HTR2C: variants seen among roughly 807,000 people sequenced by gnomAD.
HTR2C encodes the protein 5-hydroxytryptamine (serotonin) receptor 2C, G protein-coupled.
Under a neutral mutation model 21.0 loss-of-function variants are expected in HTR2C, and 5 were observed. That is an observed-to-expected ratio of 0.24 (90% CI 0.12 to 0.50). The LOEUF (loss-of-function observed/expected upper bound fraction) is 0.50, where lower values mean the gene tolerates loss of function less well. Ranked by LOEUF, HTR2C falls within the 20% of genes least tolerant of loss-of-function variation. The pLI is 0.98. For missense variants in HTR2C, 271 were observed against 371.2 expected (o/e 0.73, Z 2.22); for synonymous variants, 150 against 145.3 (o/e 1.03, Z -0.23).
At chrX:114,805,086 G>T (rs150128265) in intron 4 of HTR2C, among the ~76,000 whole-genome samples, 1 of 111,969 alleles carries the variant, frequency 8.9e-6, no homozygotes, top group East Asian at 2.8e-4. Flanking sequence ...GAAAGAAGCA[G>T]AACAGAAACT....
At chrX:114,629,508 C>T (rs782577645) in intron 2 of HTR2C, among the ~76,000 whole-genome samples, 1 of 111,845 alleles carries the variant, frequency 8.9e-6, no homozygotes, top group South Asian at 3.7e-4. Flanking sequence ...AGTAATGGGA[C>T]ATTTTATACC....
At chrX:114,892,830 A>G (rs1193945853) in intron 5 of HTR2C, among the ~76,000 whole-genome samples, 6 of 110,464 alleles carry the variant, frequency 5.4e-5, no homozygotes, top group Admixed American at 4.8e-4. Context: ...AAATTAATCT[A>G]TAGATTCATA....
chrX:114,805,249 A>G (rs781920387), intron 4 of HTR2C, among the ~76,000 whole-genome samples: 1 of 109,627 alleles, frequency 9.1e-6, no homozygotes, highest in South Asian at 3.9e-4. Flanking sequence ...CCTGATTCTC[A>G]AACTTTGACA....
At chrX:114,830,703 TTTA>T (rs1361825425) in intron 4 of HTR2C, among the ~76,000 whole-genome samples, 1 of 109,719 alleles carries the variant, frequency 9.1e-6, no homozygotes, top group African/African-American at 3.3e-5. Context: ...TTTTGTTTTT[TTTA>T]TTATTATACT....
At chrX:114,646,100 G>C (rs1483040987) in intron 2 of HTR2C, among the ~76,000 whole-genome samples, 2 of 111,793 alleles carry the variant, frequency 1.8e-5, no homozygotes, top group Non-Finnish European at 3.8e-5. Flanking sequence ...ATATTGAGTA[G>C]ATTAATTAAA....
At chrX:114,624,860 T>G (rs1237730571) in intron 2 of HTR2C, among the ~76,000 whole-genome samples, 1 of 111,428 alleles carries the variant, frequency 9.0e-6, no homozygotes, top group Non-Finnish European at 1.9e-5. Flanking sequence ...AAGAAAGCCC[T>G]GATGTCAAAT....
intron 2 of HTR2C, 39 bp from the exon 3 acceptor site, chrX:114,726,819 G>T: frequency 2.1e-6 from 1 of 480,762 alleles, no homozygotes. Context: ...TTATTTCGAT[G>T]TTTAACTAAT....
intron 4 of HTR2C, among the ~76,000 whole-genome samples, chrX:114,765,953 T>C (rs1297381577): frequency 1.4e-4 from 16 of 111,676 alleles, no homozygotes; most frequent in African/African-American, 5.2e-4. Context: ...GGTCATGATA[T>C]ATCTTCAAAG....
intron 2 of HTR2C, among the ~76,000 whole-genome samples, chrX:114,704,735 G>T (rs1228055679): frequency 9.1e-6 from 1 of 110,375 alleles, no homozygotes; most frequent in Non-Finnish European, 1.9e-5. Flanking sequence ...GGAAATAAAG[G>T]GTATTCAATT....
At chrX:114,856,088 A>C (rs1303803296) in intron 5 of HTR2C, among the ~76,000 whole-genome samples, 6 of 109,287 alleles carry the variant, frequency 5.5e-5, no homozygotes, top group Admixed American at 9.9e-5. Flanking sequence ...GTCTCAGCCC[A>C]AAATCTCCTT....
rs188861895 is a variant in HTR2C at position 114,750,482 on chromosome X, T to G, written c.349+18875T>G. ...GTCTAGAGGCAAGTCTTTAAGAAAG[T>G]TGTGTATAATTATTCGTATGTAGCT... On this transcript the variant is annotated intron_variant, in intron 4 of 5. Transcript: ENST00000276198. 6.1e-4 allele frequency among the ~76,000 whole-genome samples: 69 copies of G among 112,440 alleles called. 1 individual carries two copies. Among genetic ancestry groups the G allele is most frequent in the African/African-American group, 2.1e-3 (66 of 31,019 alleles).
At chrX:114,719,892 T>C (rs1026541159) in intron 2 of HTR2C, among the ~76,000 whole-genome samples, 2 of 111,693 alleles carry the variant, frequency 1.8e-5, no homozygotes, top group Admixed American at 1.9e-4. Context: ...TATCAGCTTG[T>C]TTTGTTATAC....
At chrX:114,687,631 TA>T (rs1931960651) in intron 2 of HTR2C, among the ~76,000 whole-genome samples, 1 of 112,329 alleles carries the variant, frequency 8.9e-6, no homozygotes, top group Non-Finnish European at 1.9e-5. Flanking sequence ...ATATGATCTA[TA>T]AAGTTTACAA....
chrX:114,803,085 T>C (rs1237632920), intron 4 of HTR2C, among the ~76,000 whole-genome samples: 2 of 90,129 alleles, frequency 2.2e-5, no homozygotes, highest in African/African-American at 4.0e-5. Flanking sequence ...GGCTGCATAG[T>C]ATTCCATGGC....
chrX:114,902,536 A>G (rs1372726780), intron 5 of HTR2C, among the ~76,000 whole-genome samples: 1 of 111,948 alleles, frequency 8.9e-6, no homozygotes, highest in Non-Finnish European at 1.9e-5. Context: ...CATATTTTTG[A>G]AAACTATAAT....
At chrX:114,702,103 T>C (rs782122147) in intron 2 of HTR2C, among the ~76,000 whole-genome samples, 21 of 108,744 alleles carry the variant, frequency 1.9e-4, no homozygotes, top group East Asian at 8.8e-4. Context: ...CTGAAAGTGA[T>C]GGGGAGAATG....
chrX:114,698,065 G>A lies in HTR2C; in HGVS notation c.-79-28793G>A, dbSNP rs782348741. 3.8e-3 allele frequency among the ~76,000 whole-genome samples: 427 copies of A among 112,180 alleles called. 3 individuals carry two copies. The highest frequency in any genetic ancestry group is 0.013 in the African/African-American group (395 of 30,879). ...CTTCCTTGCTGGCTATCAGCCAGGG[G>A]CCATGCTCTGCTCCTACAGGCAACC... is the stretch of plus-strand genomic sequence containing the variant. On this transcript the variant is annotated intron_variant, in intron 2 of 5. Transcript: ENST00000276198.
chrX:114,811,500 T>C (rs1227189527), intron 4 of HTR2C, among the ~76,000 whole-genome samples: 1 of 112,564 alleles, frequency 8.9e-6, no homozygotes, highest in Non-Finnish European at 1.9e-5. Context: ...AACCCTTACA[T>C]ATTCCCTCTG....
At chrX:114,820,365 A>G (rs1278402210) in intron 4 of HTR2C, among the ~76,000 whole-genome samples, 5 of 109,901 alleles carry the variant, frequency 4.5e-5, no homozygotes, top group Non-Finnish European at 5.7e-5. Context: ...GGACCCCTGA[A>G]ACACACTGTC....
Sources: gnomAD v4.1 joint callset for allele counts (sites outside exome capture counted in the v4.1 genomes callset) on GRCh38, gnomAD v4.1.1 for gene constraint, MANE v1.5 for transcripts, NCBI Gene and HGNC (gene_info 2026-07-23, HGNC 2026-07-21) for gene names.